NAA60: variants seen among roughly 807,000 people sequenced by gnomAD.
NAA60 encodes N-alpha-acetyltransferase 60.
In NAA60, 8 loss-of-function variants were observed where a neutral mutation model predicts 26.1. The observed-to-expected ratio is 0.31, with a 90% CI of 0.18 to 0.55. The LOEUF (loss-of-function observed/expected upper bound fraction) is 0.55. Among genes scored for constraint, NAA60 ranks in the 20% least tolerant of loss-of-function variants. NAA60 has a pLI of 0.93. For missense variants in NAA60, 290 were observed against 311.3 expected (o/e 0.93, Z 0.51); for synonymous variants, 131 against 122.5 (o/e 1.07, Z -0.46).
rs540041425 is a variant in NAA60 at position 3,459,493 on chromosome 16, A to G, written c.-7+10953A>G. On this transcript the variant is annotated intron_variant, in intron 2 of 7. Transcript: ENST00000407558. ...GAAACTCGAGGGAGACTGCTGTATA[A>G]GTCCCAGTTATCTTTCCAAACAGAC... is the stretch of plus-strand genomic sequence containing the variant. 5.3e-5 allele frequency among the ~76,000 whole-genome samples: 8 copies of G among 152,370 alleles called. No homozygotes were observed. In the South Asian group the frequency reaches 1.4e-3, roughly 28 times the overall value.
chr16:3,485,902 G>T lies in NAA60; in HGVS notation c.*642G>T, dbSNP rs774240292. The T allele has an allele frequency of 2.8e-6, 1 of 352,400 alleles. No homozygotes were observed. Among genetic ancestry groups the T allele is most frequent in the South Asian group, 2.1e-5 (1 of 47,722 alleles). 21.8% of individuals were successfully genotyped at this position (352,400 alleles called of 1,614,324 possible). The stretch of plus-strand genomic sequence containing the variant: ...TCAGCCCCCTGGCACAGGCGGTCAC[G>T]CATCAGGACGGTTCCTACTCCTCAG... On this transcript the variant is annotated 3_prime_UTR_variant, in exon 8 of 8. Coordinates refer to ENST00000407558, the MANE Select transcript of NAA60 (RefSeq NM_001083601.3).
intron 6 of NAA60, chr16:3,484,472 C>G (rs773512878): frequency 4.0e-5 from 24 of 601,920 alleles, no homozygotes; most frequent in Non-Finnish European, 6.4e-5. Flanking sequence ...CTGCCTCACT[C>G]AGAAGGCCCT....
chr16:3,482,645 CCCTA>C, intron 5 of NAA60, 47 bp downstream of exon 5: 1 of 1,103,864 alleles, frequency 9.1e-7, no homozygotes, highest in East Asian at 5.1e-5. Flanking sequence ...CACCCCCTTG[CCCTA>C]CCCCACCCCC....
chr16:3,450,871 G>A (rs2034756462), intron 2 of NAA60, among the ~76,000 whole-genome samples: 1 of 152,036 alleles, frequency 6.6e-6, no homozygotes, highest in African/African-American at 2.4e-5. Context: ...GCCTTGGGTG[G>A]GTGTTTCATC....
In NAA60 at chr16:3,479,500, C is replaced by T. The variant is rs773903384; in HGVS notation, c.140C>T (p.Thr47Ile). ...EYPDSWYRDITSNKKFFSLAA... is the reference protein window; with the variant it reads ...EYPDSWYRDIISNKKFFSLAA... The stretch of plus-strand genomic sequence containing the variant: ...CCAGACTCATGGTATCGTGATATCA[C>T]ATCCAACAAGAAGTTCTTTTCCCTT... The change falls in exon 4 of 8, where the codon ACA becomes ATA. Residue 47 changes from threonine to isoleucine, a missense_variant. Coordinates refer to ENST00000407558, the MANE Select transcript of NAA60 (RefSeq NM_001083601.3). The T allele has an allele frequency of 1.9e-6, 3 of 1,613,900 alleles. No homozygotes were observed. Among genetic ancestry groups the T allele is most frequent in the Admixed American group, 3.3e-5 (2 of 59,994 alleles).
intron 2 of NAA60, 130 bp downstream of exon 2, chr16:3,448,670 A>G: frequency 1.4e-6 from 1 of 715,406 alleles, no homozygotes; most frequent in South Asian, 2.0e-5. Context: ...TGAATGATAG[A>G]AGGCGCCTAG....
chr16:3,479,423 T>G, intron 3 of NAA60, 48 bp from the exon 4 acceptor site: 1 of 1,602,734 alleles, frequency 6.2e-7, no homozygotes. Context: ...ACGACCATAG[T>G]TGGACTTGAC....
At chr16:3,447,613 G>A in intron 1 of NAA60, 2 of 985,372 alleles carry the variant, frequency 2.0e-6, no homozygotes, top group Non-Finnish European at 2.4e-6. Context: ...TACACTAAGG[G>A]GGCCTAGGTA....
chr16:3,466,703 G>A (rs549877594), intron 2 of NAA60, among the ~76,000 whole-genome samples: 1 of 152,304 alleles, frequency 6.6e-6, no homozygotes, highest in East Asian at 1.9e-4. Context: ...CAGAAGCCTG[G>A]TGTGCTAACG....
At chr16:3,467,099 A>G (rs1381465046) in intron 2 of NAA60, among the ~76,000 whole-genome samples, 1 of 152,008 alleles carries the variant, frequency 6.6e-6, no homozygotes, top group Non-Finnish European at 1.5e-5. Context: ...GGCCAGAGAG[A>G]AAGAGCCTGA....
chr16:3,452,315 T>C (rs976273074), intron 2 of NAA60, among the ~76,000 whole-genome samples: 2 of 152,104 alleles, frequency 1.3e-5, no homozygotes, highest in Non-Finnish European at 2.9e-5. Flanking sequence ...TGAGAATAAA[T>C]TGGTAAAACT....
rs966207722 is a variant in NAA60, at chr16:3,486,216, T to G, written c.*956T>G. The G allele has an allele frequency of 3.2e-5, 5 of 157,280 alleles. No homozygotes were observed. The South Asian group carries it at 9.3e-4, about 29-fold the overall frequency. 9.7% of individuals were successfully genotyped at this position (157,280 alleles called of 1,614,324 possible). A position where few individuals can be genotyped will look rare whatever the true frequency, so the allele number is the denominator to read the frequency against. ...GGCCCTCAGCCTCTGAGGGCAGAGA[T>G]GCTGTCAGTGCCGCAGGTGCATCAC... On this transcript the variant is annotated 3_prime_UTR_variant, in exon 8 of 8. Coordinates refer to ENST00000407558, the MANE Select transcript of NAA60 (RefSeq NM_001083601.3).
chr16:3,482,886 C>G (rs2036934363), intron 5 of NAA60: 1 of 536,130 alleles, frequency 1.9e-6, no homozygotes, highest in Admixed American at 3.2e-5. Context: ...GCACCTCTCA[C>G]TTCTGCTGCC....
intron 1 of NAA60, among the ~76,000 whole-genome samples, chr16:3,448,135 G>A (rs919763982): frequency 3.9e-5 from 6 of 152,160 alleles, no homozygotes; most frequent in African/African-American, 1.2e-4. Context: ...GAGGCTGGGC[G>A]TGGTCACTCA....
chr16:3,482,497 T>C lies in NAA60; in HGVS notation c.241-5T>C, dbSNP rs2036901656. 1.9e-6 allele frequency: 3 copies of C among 1,593,338 alleles called. No homozygotes were observed. Among genetic ancestry groups the C allele is most frequent in the Non-Finnish European group, 2.6e-6 (3 of 1,168,972 alleles). On this transcript the variant is annotated splice_region_variant and splice_polypyrimidine_tract_variant and intron_variant, in intron 4 of 7. Coordinates refer to ENST00000407558, the MANE Select transcript of NAA60 (RefSeq NM_001083601.3). ...GCCTGACTTTCTCTCTGACTCTTCC[T>C]CTAGGATGGAGATATTCTAGCATCC...
chr16:3,466,113 A>G (rs966269804), intron 2 of NAA60, among the ~76,000 whole-genome samples: 14 of 152,244 alleles, frequency 9.2e-5, no homozygotes, highest in East Asian at 1.9e-4. Context: ...GCACATCGCC[A>G]TCGCGCTTCT....
intron 4 of NAA60, among the ~76,000 whole-genome samples, chr16:3,480,226 A>C (rs2036740045): frequency 6.6e-6 from 1 of 152,160 alleles, no homozygotes; most frequent in African/African-American, 2.4e-5. Context: ...CCACCCGAGG[A>C]TTTAGCCAAG....
chr16:3,471,974 TGTGG>T (rs1367076183), intron 2 of NAA60, among the ~76,000 whole-genome samples: 2 of 152,080 alleles, frequency 1.3e-5, no homozygotes, highest in Admixed American at 1.3e-4. Context: ...AGTTTCAAAG[TGTGG>T]GTAAGTGGTT....
intron 4 of NAA60, among the ~76,000 whole-genome samples, chr16:3,480,999 CTCTG>C (rs1310768241): frequency 6.6e-6 from 1 of 152,198 alleles, no homozygotes; most frequent in Admixed American, 6.5e-5. Context: ...TGTGGTCATA[CTCTG>C]TCTGGCACAG....
Sources: gnomAD v4.1 joint callset for allele counts (sites outside exome capture counted in the v4.1 genomes callset) on GRCh38, gnomAD v4.1.1 for gene constraint, MANE v1.5 for transcripts, NCBI Gene and HGNC (gene_info 2026-07-23, HGNC 2026-07-21) for gene names.